The following PDCD1LG2 variants were observed in gnomAD, a reference collection of about 807,000 sequenced individuals.
The protein encoded by PDCD1LG2 is B7 dendritic cell molecule.
Under a neutral mutation model 28.2 loss-of-function variants are expected in PDCD1LG2, and 32 were observed. That is an observed-to-expected ratio of 1.13 (90% CI 0.86 to 1.52). The LOEUF (loss-of-function observed/expected upper bound fraction) is 1.52, where lower values mean the gene tolerates loss of function less well. Ranked by LOEUF, PDCD1LG2 falls within the 40% of genes most tolerant of loss-of-function variation. The pLI is 0.00. For synonymous variants in PDCD1LG2, 116 were observed against 120.2 expected, an observed-to-expected ratio of 0.97 and a Z score of 0.23; for missense variants, 385 against 323.8, an observed-to-expected ratio of 1.19 and a Z score of -1.45.
intron 1 of PDCD1LG2, among the ~76,000 whole-genome samples, chr9:5,513,395 T>C (rs1235989025): frequency 6.6e-6 from 1 of 152,256 alleles, no homozygotes; most frequent in Non-Finnish European, 1.5e-5. Context: ...CTTCTAGGGC[T>C]TTTGCAATTT....
rs561620644 is a variant in PDCD1LG2 at position 5,551,795 on chromosome 9, G to A, written c.631+2191G>A. The stretch of plus-strand genomic sequence containing the variant: ...AGAGGAAATAAGGCAGGACTGCACA[G>A]TCCCCAATTGTACTGTTCAAATCCA... On this transcript the variant is annotated intron_variant, in intron 4 of 6. Transcript: ENST00000397747. 5.3e-5 allele frequency among the ~76,000 whole-genome samples: 8 copies of A among 152,348 alleles called. No individual in the cohort carries two copies. In the South Asian group the frequency reaches 1.7e-3, roughly 32 times the overall value.
intron 4 of PDCD1LG2, among the ~76,000 whole-genome samples, chr9:5,555,730 A>G (rs995760522): frequency 2.0e-5 from 3 of 152,186 alleles, no homozygotes; most frequent in Admixed American, 6.5e-5. Context: ...CCATGTTTCA[A>G]CCTTCAGAAA....
chr9:5,551,879 A>C (rs930541714), intron 4 of PDCD1LG2, among the ~76,000 whole-genome samples: 6 of 152,160 alleles, frequency 3.9e-5, no homozygotes, highest in African/African-American at 1.4e-4. Flanking sequence ...AGGCAGCCAC[A>C]ATCTCTGCAG....
chr9:5,554,686 G>A (rs1816402392), intron 4 of PDCD1LG2, among the ~76,000 whole-genome samples: 1 of 152,174 alleles, frequency 6.6e-6, no homozygotes, highest in Non-Finnish European at 1.5e-5. Flanking sequence ...TTTTCATTAG[G>A]AAATGGAATG....
intron 2 of PDCD1LG2, among the ~76,000 whole-genome samples, chr9:5,533,306 C>T (rs1046705124): frequency 5.3e-5 from 8 of 152,180 alleles, no homozygotes; most frequent in African/African-American, 1.9e-4. Context: ...TGATGTAACA[C>T]TACCTTTACT....
chr9:5,526,021 T>C (rs1317961596), intron 2 of PDCD1LG2, among the ~76,000 whole-genome samples: 1 of 134,054 alleles, frequency 7.5e-6, no homozygotes, highest in Non-Finnish European at 1.5e-5. Flanking sequence ...CACTCTAGCC[T>C]GGGCGACAGA....
intron 1 of PDCD1LG2, among the ~76,000 whole-genome samples, chr9:5,518,276 G>A (rs1363443437): frequency 6.6e-6 from 1 of 152,222 alleles, no homozygotes; most frequent in Admixed American, 6.5e-5. Context: ...AGGATTAGTA[G>A]GAAAGGAAGC....
intron 5 of PDCD1LG2, among the ~76,000 whole-genome samples, chr9:5,559,542 T>C (rs1390408124): frequency 6.6e-6 from 1 of 152,188 alleles, no homozygotes; most frequent in Non-Finnish European, 1.5e-5. Context: ...TTGCCTATCT[T>C]CTTTGAGATG....
chr9:5,512,036 A>G lies in PDCD1LG2; in HGVS notation c.-15+1233A>G, dbSNP rs1417925962. On this transcript the variant is annotated intron_variant, in intron 1 of 6. Transcript: ENST00000397747. ...AATGTTCGTGTAATGGACAGGGGGA[A>G]GTTTGAGGTTGATTTGAAAAAGGAG... is the stretch of plus-strand genomic sequence containing the variant. Among the ~76,000 whole-genome samples, 6 of 152,318 alleles carry G rather than the reference A, an allele frequency of 3.9e-5. No individual in the cohort carries two copies. The East Asian group carries it at 5.8e-4, about 15-fold the overall frequency.
intron 1 of PDCD1LG2, among the ~76,000 whole-genome samples, chr9:5,512,687 A>G (rs1820084717): frequency 6.6e-6 from 1 of 152,156 alleles, no homozygotes; most frequent in South Asian, 2.1e-4. Context: ...CTTTAGCCCT[A>G]AATTTTGTCC....
At chr9:5,558,832 AAG>A (rs1816499260) in intron 5 of PDCD1LG2, among the ~76,000 whole-genome samples, 1 of 152,220 alleles carries the variant, frequency 6.6e-6, no homozygotes, top group Non-Finnish European at 1.5e-5. Context: ...GTGAGGGAGA[AAG>A]AGAAAACAGG....
At position 5,517,429 on chromosome 9, in the gene PDCD1LG2, T is replaced by C. The variant is rs530007865; in HGVS notation, c.-14-5104T>C. ...TAGGTCAAAAGCTCCAGATAACATC[T>C]CTCAGCCCTGCGAACACCTTACTCT... On this transcript the variant is annotated intron_variant, in intron 1 of 6. Coordinates refer to ENST00000397747, the MANE Select transcript of PDCD1LG2 (RefSeq NM_025239.4). Among the ~76,000 whole-genome samples, 349 of 152,176 alleles carry C rather than the reference T, an allele frequency of 2.3e-3. 1 individual carries two copies. Among genetic ancestry groups the C allele is most frequent in the Non-Finnish European group, 4.5e-3 (307 of 67,994 alleles).
intron 3 of PDCD1LG2, among the ~76,000 whole-genome samples, chr9:5,544,889 G>A (rs1820762262): frequency 6.6e-6 from 1 of 152,154 alleles, no homozygotes; most frequent in Non-Finnish European, 1.5e-5. Flanking sequence ...GGATATTTGT[G>A]CTGCTTAGAT....
At chr9:5,516,903 T>C (rs1820176770) in intron 1 of PDCD1LG2, among the ~76,000 whole-genome samples, 1 of 152,188 alleles carries the variant, frequency 6.6e-6, no homozygotes, top group Non-Finnish European at 1.5e-5. Flanking sequence ...AGTACAGAGA[T>C]GCCTGGGTCC....
At chr9:5,561,290 T>A (rs1238200181) in intron 5 of PDCD1LG2, among the ~76,000 whole-genome samples, 1 of 152,238 alleles carries the variant, frequency 6.6e-6, no homozygotes, top group Admixed American at 6.5e-5. Context: ...ATTTCCATCA[T>A]TGCAGAAAGT....
intron 3 of PDCD1LG2, among the ~76,000 whole-genome samples, chr9:5,536,333 G>A (rs1820579988): frequency 6.6e-6 from 1 of 152,086 alleles, no homozygotes; most frequent in Non-Finnish European, 1.5e-5. Context: ...CCAGAGACTT[G>A]GTTAAAAGAC....
At chr9:5,563,290 A>G (rs1816602467) in intron 6 of PDCD1LG2, 79 bp downstream of exon 6, 6 of 1,235,476 alleles carry the variant, frequency 4.9e-6, no homozygotes, top group African/African-American at 1.5e-5. Context: ...CCACTGTTCT[A>G]TTAATTCATG....
At chr9:5,515,591 A>G (rs1820141530) in intron 1 of PDCD1LG2, among the ~76,000 whole-genome samples, 1 of 152,208 alleles carries the variant, frequency 6.6e-6, no homozygotes, top group Non-Finnish European at 1.5e-5. Context: ...GAGACCCACA[A>G]TGGATAGCTC....
chr9:5,520,519 A>G (rs1820253738), intron 1 of PDCD1LG2, among the ~76,000 whole-genome samples: 1 of 152,218 alleles, frequency 6.6e-6, no homozygotes, highest in Admixed American at 6.5e-5. Flanking sequence ...TTGTCCCTGT[A>G]CAATTGCTCC....
Sources: allele counts gnomAD v4.1 joint callset (sites outside exome capture counted in the v4.1 genomes callset), GRCh38; gene constraint gnomAD v4.1.1; transcripts MANE v1.5; gene names NCBI Gene and HGNC (gene_info 2026-07-23, HGNC 2026-07-21).